Variants in CHP1 observed in about 807,000 individuals in gnomAD.
The protein encoded by CHP1 is calcineurin B homologous protein 1.
A neutral mutation model predicts 27.4 loss-of-function variants in CHP1; 11 were observed. That is an observed-to-expected ratio of 0.40 (90% confidence interval 0.25 to 0.67). The LOEUF is 0.67. Among genes scored for constraint, CHP1 ranks in the 30% least tolerant of loss-of-function variants. CHP1 has a pLI of 0.38. For synonymous variants in CHP1, 89 were observed against 87.4 expected, an observed-to-expected ratio of 1.02 and a Z score of -0.10; for missense variants, 169 against 251.3, an observed-to-expected ratio of 0.67 and a Z score of 2.22.
intron 2 of CHP1, among the ~76,000 whole-genome samples, chr15:41,251,488 A>T (rs556476012): frequency 6.6e-6 from 1 of 152,318 alleles, no homozygotes; most frequent in African/African-American, 2.4e-5. Flanking sequence ...TGGGTTGCAG[A>T]CCAGTACCAG....
chr15:41,274,009 G>A (rs1473458281), intron 5 of CHP1, among the ~76,000 whole-genome samples: 1 of 151,792 alleles, frequency 6.6e-6, no homozygotes, highest in Non-Finnish European at 1.5e-5. Flanking sequence ...CGCTCGGGCT[G>A]GAGTGCAATG....
chr15:41,270,466 A>G, intron 4 of CHP1, 91 bp from the exon 5 acceptor site: 1 of 920,944 alleles, frequency 1.1e-6, no homozygotes, highest in Admixed American at 2.0e-5. Context: ...ATTGGCTGTC[A>G]GTTTTCTGTC....
intron 5 of CHP1, among the ~76,000 whole-genome samples, chr15:41,274,742 A>G (rs1357903925): frequency 6.6e-6 from 1 of 150,958 alleles, no homozygotes; most frequent in African/African-American, 2.4e-5. Flanking sequence ...CACACAGGGA[A>G]TGTGGCAAAT....
At position 41,249,299 on chromosome 15, in the gene CHP1, C is replaced by G. The variant is rs950770362; in HGVS notation, c.140+5560C>G. Among the ~76,000 whole-genome samples the G allele has an allele frequency of 1.1e-4, 16 of 151,786 alleles. 1 individual carries two copies. The highest frequency in any genetic ancestry group is 3.9e-4 in the African/African-American group (16 of 41,396). The stretch of plus-strand genomic sequence containing the variant: ...CCTCCTGAGTAGCTGGGACTACAGG[C>G]ACGTGTCACTGCCTGGCTAACTTTT... On this transcript the variant is annotated intron_variant, in intron 2 of 6. Coordinates refer to ENST00000334660, the MANE Select transcript of CHP1 (RefSeq NM_007236.5).
intron 5 of CHP1, 70 bp from the exon 6 acceptor site, chr15:41,278,697 A>C: frequency 1.3e-6 from 2 of 1,594,068 alleles, no homozygotes; most frequent in Non-Finnish European, 1.7e-6. Flanking sequence ...TGATAGCTTT[A>C]TTTTTAATCT....
At chr15:41,260,130 T>C (rs977958993) in intron 3 of CHP1, among the ~76,000 whole-genome samples, 11 of 151,860 alleles carry the variant, frequency 7.2e-5, no homozygotes, top group African/African-American at 2.7e-4. Context: ...GAAGAGAACC[T>C]ACATACCTCA....
intron 3 of CHP1, among the ~76,000 whole-genome samples, chr15:41,260,035 C>A (rs2047424540): frequency 6.6e-6 from 1 of 152,294 alleles, no homozygotes; most frequent in Admixed American, 6.5e-5. Flanking sequence ...CAGCCAAGGT[C>A]ATTCTTTTGA....
chr15:41,231,299 C>G lies in CHP1; in HGVS notation c.-84C>G. 2 of 1,338,644 alleles carry G rather than the reference C, an allele frequency of 1.5e-6. No homozygotes were observed. The highest frequency in any genetic ancestry group is 2.1e-6 in the Non-Finnish European group (2 of 953,852). The allele number at this position is 1,338,644 out of a possible 1,614,324, so 82.9% of individuals were successfully genotyped here. On this transcript the variant is annotated 5_prime_UTR_variant, in exon 1 of 7. Coordinates refer to ENST00000334660, the MANE Select transcript of CHP1 (RefSeq NM_007236.5). Reference sequence around the variant, plus strand: ...AACACTGCCCTCTCCCTTCTTGACCCCTAGCCCTTCCTTCCCTCCCTCCTT... The same window carrying G: ...AACACTGCCCTCTCCCTTCTTGACCGCTAGCCCTTCCTTCCCTCCCTCCTT...
At chr15:41,268,900 C>T (rs140804190) in intron 4 of CHP1, among the ~76,000 whole-genome samples, 5 of 152,144 alleles carry the variant, frequency 3.3e-5, no homozygotes, top group African/African-American at 1.2e-4. Flanking sequence ...GCGGAGCTTG[C>T]CGTGAGCTGA....
chr15:41,233,277 G>C (rs550123930), intron 1 of CHP1, among the ~76,000 whole-genome samples: 2 of 152,146 alleles, frequency 1.3e-5, no homozygotes, highest in Admixed American at 6.6e-5. Context: ...GAATCAAAGA[G>C]AAATAAATAT....
In CHP1 at chr15:41,235,536, AAAC is replaced by A. The variant is rs369059334; in HGVS notation, c.67+4094_67+4096del. On this transcript the variant is annotated intron_variant, in intron 1 of 6. Coordinates refer to ENST00000334660, the MANE Select transcript of CHP1 (RefSeq NM_007236.5). ...CCCTGTCTCAAAAAAAAACAAAAAC[AAAC>A]AACAACCACAAAAACACCTTGATAA... is the stretch of plus-strand genomic sequence containing the variant. Among the ~76,000 whole-genome samples the A allele has an allele frequency of 1.6e-3, 238 of 152,238 alleles. 1 individual carries two copies. Among genetic ancestry groups the A allele is most frequent in the African/African-American group, 5.4e-3 (224 of 41,542 alleles).
chr15:41,280,358 G>T lies in CHP1; in HGVS notation c.*969G>T, dbSNP rs947038726. ...CTTTCTCATGGCTTTTATTTAATAA[G>T]GAGGCTGGGCACCCTATAAAGCCTC... On this transcript the variant is annotated 3_prime_UTR_variant, in exon 7 of 7. Coordinates refer to ENST00000334660, the MANE Select transcript of CHP1 (RefSeq NM_007236.5). 2.0e-5 allele frequency: 3 copies of T among 152,500 alleles called. No homozygotes were observed. Among genetic ancestry groups the T allele is most frequent in the African/African-American group, 7.2e-5 (3 of 41,384 alleles). 9.4% of individuals were successfully genotyped at this position (152,500 alleles called of 1,614,324 possible).
At chr15:41,231,517 G>T in intron 1 of CHP1, 68 bp downstream of exon 1, 1 of 1,481,452 alleles carries the variant, frequency 6.8e-7, no homozygotes, top group Non-Finnish European at 9.3e-7. Flanking sequence ...GGCGGCTGTC[G>T]CTAAGGTCTG....
At chr15:41,273,632 C>T (rs960115788) in intron 5 of CHP1, among the ~76,000 whole-genome samples, 4 of 151,586 alleles carry the variant, frequency 2.6e-5, no homozygotes, top group Admixed American at 6.6e-5. Context: ...CCACCTGCCT[C>T]GGCCTCCCAA....
intron 4 of CHP1, among the ~76,000 whole-genome samples, chr15:41,263,855 A>T (rs979040041): frequency 2.6e-5 from 4 of 152,202 alleles, no homozygotes; most frequent in Non-Finnish European, 4.4e-5. Flanking sequence ...AGCCCAGGTG[A>T]CAGAAACTCT....
chr15:41,239,795 A>C lies in CHP1; in HGVS notation c.68-3872A>C, dbSNP rs1044410800. The stretch of plus-strand genomic sequence containing the variant: ...TCTTTTTTATTTATTTATTTTTTCG[A>C]GACAGAGTCTCCTCTCTGTCACCCA... On this transcript the variant is annotated intron_variant, in intron 1 of 6. Coordinates refer to ENST00000334660, the MANE Select transcript of CHP1 (RefSeq NM_007236.5). Among the ~76,000 whole-genome samples, 5 of 148,134 alleles carry C rather than the reference A, an allele frequency of 3.4e-5. No homozygotes were observed. The South Asian group carries it at 1.1e-3, about 32-fold the overall frequency.
intron 4 of CHP1, among the ~76,000 whole-genome samples, chr15:41,269,202 GA>G (rs2047476794): frequency 1.3e-5 from 2 of 150,982 alleles, no homozygotes; most frequent in Admixed American, 6.6e-5. Flanking sequence ...GACCCTGTCT[GA>G]AAAAAATAAA....
chr15:41,264,593 A>G (rs2047451015), intron 4 of CHP1, among the ~76,000 whole-genome samples: 1 of 151,938 alleles, frequency 6.6e-6, no homozygotes, highest in Non-Finnish European at 1.5e-5. Flanking sequence ...CGTGTGCACT[A>G]CACCCAGCTA....
At chr15:41,264,369 A>C in intron 4 of CHP1, 1 of 345,016 alleles carries the variant, frequency 2.9e-6, no homozygotes, top group Non-Finnish European at 5.5e-6. Context: ...GGAATGCCAC[A>C]GAAATGGCAG....
Sources: allele counts gnomAD v4.1 joint callset (sites outside exome capture counted in the v4.1 genomes callset), GRCh38; gene constraint gnomAD v4.1.1; transcripts MANE v1.5; gene names NCBI Gene and HGNC (gene_info 2026-07-23, HGNC 2026-07-21).